Variants in UGGT2 observed in about 807,000 individuals in gnomAD.
UGGT2 encodes UDP-glucose:glycoprotein glucosyltransferase 2.
A neutral mutation model predicts 192.1 loss-of-function variants in UGGT2; 180 were observed. The ratio of observed to expected loss-of-function variants is 0.94; its 90% confidence interval spans 0.83 to 1.06. UGGT2 has a LOEUF of 1.06. UGGT2 is among the 50% of genes least tolerant of loss of function. The probability of loss-of-function intolerance (pLI) is 0.00; values close to 1 mark genes in which losing one functional copy is unlikely to be tolerated. For synonymous variants in UGGT2, 580 were observed against 591.0 expected (o/e 0.98, Z 0.27); for missense variants, 1,849 against 1,795.7 (o/e 1.03, Z -0.54).
At chr13:95,932,140 G>A (rs1050219371) in intron 17 of UGGT2, among the ~76,000 whole-genome samples, 1 of 152,172 alleles carries the variant, frequency 6.6e-6, no homozygotes, top group Non-Finnish European at 1.5e-5. Flanking sequence ...TAAATCTGTA[G>A]ATTGTGTTGG....
intron 15 of UGGT2, among the ~76,000 whole-genome samples, chr13:95,941,105 G>A (rs2049665087): frequency 6.6e-6 from 1 of 152,186 alleles, no homozygotes; most frequent in Non-Finnish European, 1.5e-5. Flanking sequence ...CGACTAAGCT[G>A]AGACATAAGT....
At chr13:95,897,797 C>G (rs1275974363) in intron 22 of UGGT2, among the ~76,000 whole-genome samples, 1 of 152,138 alleles carries the variant, frequency 6.6e-6, no homozygotes, top group Non-Finnish European at 1.5e-5. Flanking sequence ...TTACATTTTT[C>G]CATTAGTCAA....
Position 95,981,236 on chromosome 13 carries a change from G to A in UGGT2, c.1092+2568C>T, listed in dbSNP as rs1390838923. Among the ~76,000 whole-genome samples, 3 of 500 alleles carry A rather than the reference G, an allele frequency of 6.0e-3. 1 individual carries two copies. Among genetic ancestry groups the A allele is most frequent in the African/African-American group, 6.2e-3 (3 of 484 alleles). The allele number at this position is 500 out of a possible 152,430, so 0.3% of individuals were successfully genotyped here. A position where few individuals can be genotyped will look rare whatever the true frequency, so the allele number is the denominator to read the frequency against. On this transcript the variant is annotated intron_variant, in intron 10 of 38. Coordinates refer to ENST00000376747, the MANE Select transcript of UGGT2 (RefSeq NM_020121.4). The stretch of plus-strand genomic sequence containing the variant: ...TCCCAGCACTTTGGGAGGCAGAGGC[G>A]GGCGGATCATGAGGTCAGGAGATCG...
Position 95,859,640 on chromosome 13 carries a change from G to T in UGGT2, c.3776C>A (p.Thr1259Lys). 6.2e-7 allele frequency: 1 copy of T among 1,610,162 alleles called. No individual in the cohort carries two copies. The highest frequency in any genetic ancestry group is 8.5e-7 in the Non-Finnish European group (1 of 1,177,876). ...MMLSVLRNTK[T>K]PVKFWLLKNY... ...TTTTAGCAACCAGAATTTCACTGGT[G>T]TTTTGGTGTTACGCAAAACAGAAAG... Residue 1259 changes from threonine (T) to lysine (K), a missense_variant, in exon 33 of 39, where the codon ACA (threonine) becomes AAA (lysine). Transcript: ENST00000376747.
chr13:95,942,221 G>GT (rs2049707095), intron 15 of UGGT2, among the ~76,000 whole-genome samples: 4 of 117,992 alleles, frequency 3.4e-5, no homozygotes, highest in African/African-American at 1.3e-4. Context: ...TTAGGGTGAG[G>GT]GTGTGTGTGT....
At position 95,972,619 on chromosome 13, in the gene UGGT2, T is replaced by C; in HGVS notation, c.1145A>G (p.Asn382Ser). 3.1e-6 allele frequency: 5 copies of C among 1,613,876 alleles called. No individual in the cohort carries two copies. The highest frequency in any genetic ancestry group is 4.2e-6 in the Non-Finnish European group (5 of 1,179,842). Residue 382 changes from asparagine to serine, a missense_variant, in exon 11 of 39, where the codon AAT becomes AGT. Asn to Ser is a conservative substitution (Grantham distance 46, BLOSUM62 1). Transcript: ENST00000376747. The stretch of plus-strand genomic sequence containing the variant: ...AACATCCATATCAACACGAAGGCCA[T>C]TTATAAATAGACGAGCATCGCCTGG... ...IQPGDARLFI[N>S]GLRVDMDVYD...
At chr13:96,001,677 T>C (rs375397762) in intron 5 of UGGT2, among the ~76,000 whole-genome samples, 11 of 152,208 alleles carry the variant, frequency 7.2e-5, no homozygotes, top group East Asian at 1.9e-4. Context: ...ACAAGGTTCA[T>C]TGCACAGGTT....
At chr13:95,937,649 G>C (rs1198573031) in intron 16 of UGGT2, among the ~76,000 whole-genome samples, 1 of 152,126 alleles carries the variant, frequency 6.6e-6, no homozygotes, top group African/African-American at 2.4e-5. Flanking sequence ...CAGGCATGTA[G>C]AAGACTCTAT....
chr13:95,952,213 A>G (rs73560858), intron 12 of UGGT2, among the ~76,000 whole-genome samples: 1 of 152,022 alleles, frequency 6.6e-6, no homozygotes, highest in East Asian at 1.9e-4. Flanking sequence ...GAAAAAAAAA[A>G]GAAGAAAAAA....
chr13:95,988,677 T>C (rs1405470391), intron 8 of UGGT2, among the ~76,000 whole-genome samples: 2 of 152,146 alleles, frequency 1.3e-5, no homozygotes, highest in South Asian at 2.1e-4. Flanking sequence ...GATACAACAT[T>C]TGTATTAGGT....
At chr13:95,945,866 A>T (rs2049849068) in intron 15 of UGGT2, among the ~76,000 whole-genome samples, 1 of 152,130 alleles carries the variant, frequency 6.6e-6, no homozygotes, top group South Asian at 2.1e-4. Context: ...ACTCTAGCTC[A>T]GTGAATTAAT....
chr13:96,042,902 G>C (rs556291021), intron 1 of UGGT2, among the ~76,000 whole-genome samples: 1 of 152,200 alleles, frequency 6.6e-6, no homozygotes, highest in South Asian at 2.1e-4. Context: ...CAGTATTCCT[G>C]AGAAAGAAGA....
chr13:95,963,483 C>T (rs560937799), intron 12 of UGGT2, among the ~76,000 whole-genome samples: 29 of 152,224 alleles, frequency 1.9e-4, no homozygotes, highest in Admixed American at 8.5e-4. Flanking sequence ...AGAACTGCAA[C>T]AAGACAAGGA....
At chr13:95,935,800 C>A (rs1158841628) in intron 17 of UGGT2, among the ~76,000 whole-genome samples, 1 of 152,146 alleles carries the variant, frequency 6.6e-6, no homozygotes. Context: ...TAACATAATC[C>A]CGTATTTCTT....
chr13:96,013,116 T>C, intron 5 of UGGT2, among the ~76,000 whole-genome samples, 191 bp downstream of exon 5: 1 of 152,082 alleles, frequency 6.6e-6, no homozygotes, highest in East Asian at 1.9e-4. Flanking sequence ...AGGCAAAGAA[T>C]TATAGACATC....
In UGGT2 at chr13:95,925,664, A is replaced by G. The variant is rs201246851; in HGVS notation, c.2295+16T>C. On this transcript the variant is annotated intron_variant, in intron 20 of 38. Transcript: ENST00000376747. Reference sequence around the variant, plus strand: ...AAATAAATTAAAATTGTTAGTAAGAATATCTAGGTACTCACCATGTGCTTT... The same window carrying G: ...AAATAAATTAAAATTGTTAGTAAGAGTATCTAGGTACTCACCATGTGCTTT... 73 of 1,450,628 alleles carry G rather than the reference A, an allele frequency of 5.0e-5. No homozygotes were observed. The highest frequency in any genetic ancestry group is 3.9e-4 in the Middle Eastern group (2 of 5,084). 89.9% of individuals were successfully genotyped at this position (1,450,628 alleles called of 1,614,324 possible).
rs1889365463 is a variant in UGGT2 at position 95,854,365 on chromosome 13, C to T, written c.4119G>A (p.Trp1373Ter). 1 of 1,613,648 alleles carries T rather than the reference C, an allele frequency of 6.2e-7. No individual in the cohort carries two copies. The highest frequency in any genetic ancestry group is 8.5e-7 in the Non-Finnish European group (1 of 1,179,838). The change falls in exon 35 of 39, where the codon TGG becomes TGA. Residue 1373 changes from tryptophan (W) to a stop codon, truncating the protein, a stop_gained. Coordinates refer to ENST00000376747, the MANE Select transcript of UGGT2 (RefSeq NM_020121.4). LOFTEE classifies it high-confidence loss of function. ...GATGTGATGCCCAGTATCCTGTTTTCCAGAAACGATATCCATCCATTTCCC... is the reference window on the plus strand; with the variant it reads ...GATGTGATGCCCAGTATCCTGTTTTTCAGAAACGATATCCATCCATTTCCC... ...SRREMDGYRF[W>*]KTGYWASHLL... is the part of the protein sequence containing the mutation.
intron 20 of UGGT2, among the ~76,000 whole-genome samples, chr13:95,922,817 C>T (rs556956306): frequency 9.4e-4 from 143 of 151,776 alleles, no homozygotes; most frequent in Non-Finnish European, 1.1e-3. Context: ...AGCGAGACCC[C>T]GTCTCAAAAA....
At chr13:95,909,777 A>AATG (rs2048421322) in intron 20 of UGGT2, among the ~76,000 whole-genome samples, 1 of 142,412 alleles carries the variant, frequency 7.0e-6, no homozygotes, top group Admixed American at 7.1e-5. Flanking sequence ...TAATAATAAT[A>AATG]ATAAAAAAGA....
Sources: allele counts gnomAD v4.1 joint callset (sites outside exome capture counted in the v4.1 genomes callset), GRCh38; gene constraint gnomAD v4.1.1; transcripts MANE v1.5; gene names NCBI Gene and HGNC (gene_info 2026-07-23, HGNC 2026-07-21).